The following SRRM3 variants were observed in gnomAD, a reference collection of about 807,000 sequenced individuals.
SRRM3 encodes the protein serine/arginine repetitive matrix protein 3.
Under a neutral mutation model 66.2 loss-of-function variants are expected in SRRM3, and 27 were observed. The ratio of observed to expected loss-of-function variants is 0.41; its 90% CI spans 0.30 to 0.56. SRRM3 has a LOEUF of 0.56. Ranked by LOEUF, SRRM3 falls within the 20% of genes least tolerant of loss-of-function variation. The probability of loss-of-function intolerance (pLI) is 0.32; values close to 1 mark genes in which losing one functional copy is unlikely to be tolerated. For missense variants in SRRM3, 918 were observed against 991.9 expected (o/e 0.93, Z 1.00); for synonymous variants, 391 against 414.9 (o/e 0.94, Z 0.70).
intron 11 of SRRM3, among the ~76,000 whole-genome samples, chr7:76,272,868 A>C (rs1802246586): frequency 6.6e-6 from 1 of 152,162 alleles, no homozygotes; most frequent in South Asian, 2.1e-4. Flanking sequence ...ATACAGGAAC[A>C]GAAAAAGGCA....
intron 1 of SRRM3, among the ~76,000 whole-genome samples, chr7:76,215,176 A>C (rs1800528316): frequency 6.6e-6 from 1 of 152,034 alleles, no homozygotes; most frequent in Non-Finnish European, 1.5e-5. Flanking sequence ...GTACATTTTT[A>C]TGCCTGTTTT....
intron 11 of SRRM3, chr7:76,268,679 G>A (rs1480511995): frequency 2.0e-5 from 3 of 152,248 alleles, no homozygotes; most frequent in Non-Finnish European, 2.9e-5. Context: ...TTTATTGAAG[G>A]ACATTTACCT....
intron 1 of SRRM3, among the ~76,000 whole-genome samples, chr7:76,224,372 G>C (rs1342544840): frequency 2.6e-5 from 4 of 151,250 alleles, no homozygotes; most frequent in Admixed American, 2.6e-4. Context: ...GAGCCACCGC[G>C]CCCGGCCAAA....
intron 1 of SRRM3, among the ~76,000 whole-genome samples, chr7:76,225,496 A>G (rs1220843967): frequency 8.4e-6 from 1 of 119,000 alleles, no homozygotes; most frequent in Non-Finnish European, 1.7e-5. Flanking sequence ...TTTCCCCGGC[A>G]AAAGAGGCTT....
chr7:76,256,261 C>T (rs1338996259), intron 3 of SRRM3, among the ~76,000 whole-genome samples: 1 of 152,150 alleles, frequency 6.6e-6, no homozygotes, highest in Non-Finnish European at 1.5e-5. Context: ...AATCCCAGCA[C>T]TTTGGGAGGC....
Position 76,286,090 on chromosome 7 carries a change from G to T in SRRM3, c.*247G>T. On this transcript the variant is annotated 3_prime_UTR_variant, in exon 15 of 15. Transcript: ENST00000611745. The stretch of plus-strand genomic sequence containing the variant: ...CTCCTGTCCACCCACTGTGCCCGGG[G>T]AACAAAGAGCCGTTACGAACACAGG... 1.7e-6 allele frequency: 1 copy of T among 573,062 alleles called. No individual in the cohort carries two copies. Among genetic ancestry groups the T allele is most frequent in the Non-Finnish European group, 3.2e-6 (1 of 314,022 alleles). 35.5% of individuals were successfully genotyped at this position (573,062 alleles called of 1,614,324 possible). A position where few individuals can be genotyped will look rare whatever the true frequency, so the allele number is the denominator to read the frequency against.
At chr7:76,253,577 TGCCAC>T (rs1801633357) in intron 3 of SRRM3, among the ~76,000 whole-genome samples, 5 of 151,546 alleles carry the variant, frequency 3.3e-5, no homozygotes, top group Admixed American at 1.3e-4. Context: ...ACCGAGATCG[TGCCAC>T]TGCACTCCAG....
At chr7:76,279,092 C>T (rs564494563) in intron 11 of SRRM3, among the ~76,000 whole-genome samples, 1 of 152,264 alleles carries the variant, frequency 6.6e-6, no homozygotes, top group South Asian at 2.1e-4. Flanking sequence ...AACCCCGTCT[C>T]TCCTAAAAAT....
Position 76,286,056 on chromosome 7 carries a change from C to T in SRRM3, c.*213C>T. 1.0e-5 allele frequency: 6 copies of T among 598,286 alleles called. No individual in the cohort carries two copies. Among genetic ancestry groups the T allele is most frequent in the Non-Finnish European group, 1.8e-5 (6 of 329,864 alleles). The allele number at this position is 598,286 out of a possible 1,614,324, so 37.1% of individuals were successfully genotyped here. On this transcript the variant is annotated 3_prime_UTR_variant, in exon 15 of 15. Transcript: ENST00000611745. ...CAGATGTGCTGCTTCTACGGGTGTC[C>T]TCTCCCACCTCCTGTCCACCCACTG...
intron 11 of SRRM3, among the ~76,000 whole-genome samples, chr7:76,278,717 T>C (rs1554611468): frequency 1.3e-5 from 2 of 152,182 alleles, no homozygotes; most frequent in Non-Finnish European, 2.9e-5. Flanking sequence ...CAGCTATGGC[T>C]AGTGTTCATT....
chr7:76,233,203 G>A (rs1554604393), intron 1 of SRRM3, among the ~76,000 whole-genome samples: 1 of 152,144 alleles, frequency 6.6e-6, no homozygotes, highest in Admixed American at 6.5e-5. Flanking sequence ...TCCAGCTACT[G>A]GGGAGACTGA....
intron 1 of SRRM3, among the ~76,000 whole-genome samples, chr7:76,205,163 A>AGC (rs1800263595): frequency 6.6e-6 from 1 of 151,952 alleles, no homozygotes; most frequent in African/African-American, 2.4e-5. Flanking sequence ...ACACTGACCC[A>AGC]GCGCCTCTGC....
intron 11 of SRRM3, among the ~76,000 whole-genome samples, chr7:76,272,398 CA>C (rs5884990): frequency 2.7e-5 from 4 of 150,828 alleles, no homozygotes; most frequent in Non-Finnish European, 3.0e-5. Flanking sequence ...CCTATCTCTA[CA>C]AAAAAAAAAT....
intron 10 of SRRM3, among the ~76,000 whole-genome samples, chr7:76,265,828 TTATATATATATA>T (rs1167434051): frequency 2.3e-3 from 58 of 25,574 alleles, no homozygotes; most frequent in East Asian, 5.2e-3. Context: ...TAATAAATAT[TTATATATATATA>T]TATATATATA....
At position 76,234,458 on chromosome 7, in the gene SRRM3, G is replaced by A. The variant is rs182604487; in HGVS notation, c.-39-570G>A. On this transcript the variant is annotated intron_variant, in intron 1 of 14. Coordinates refer to ENST00000611745, the MANE Select transcript of SRRM3 (RefSeq NM_001110199.3). The stretch of plus-strand genomic sequence containing the variant: ...TGGAATGTTGGCTTTGGAGAAGTTG[G>A]CCAGATCAAACAGAGAGCTAAAATC... 7.4e-4 allele frequency among the ~76,000 whole-genome samples: 113 copies of A among 152,238 alleles called. 1 individual carries two copies. Among genetic ancestry groups the A allele is most frequent in the South Asian group, 1.9e-3 (9 of 4,822 alleles).
intron 5 of SRRM3, among the ~76,000 whole-genome samples, chr7:76,260,414 G>A (rs1298371307): frequency 3.2e-4 from 5 of 15,522 alleles, no homozygotes; most frequent in African/African-American, 1.0e-3. Context: ...CCCGCCCCTC[G>A]ACAAGCCCCT....
chr7:76,231,085 C>T (rs1256307222), intron 1 of SRRM3, among the ~76,000 whole-genome samples: 4 of 152,138 alleles, frequency 2.6e-5, no homozygotes, highest in Admixed American at 2.0e-4. Context: ...TGTCACATGG[C>T]TCACAGAGGG....
In SRRM3 at chr7:76,263,877, C is replaced by CAA. The variant is rs781852712; in HGVS notation, c.675-861_675-860dup. ...AACAGAGCGGGACTCTGTCTCAAGA[C>CAA]AAAAAAAAAAAAAAAAAAAAAAAAA... On this transcript the variant is annotated intron_variant, in intron 8 of 14. Transcript: ENST00000611745. Among the ~76,000 whole-genome samples the CAA allele has an allele frequency of 6.7e-4, 33 of 49,522 alleles. 1 individual carries two copies. Among genetic ancestry groups the CAA allele is most frequent in the Admixed American group, 1.3e-3 (5 of 3,942 alleles). 32.5% of individuals were successfully genotyped at this position (49,522 alleles called of 152,430 possible).
At chr7:76,266,536 TATAA>T (rs1302938744) in intron 10 of SRRM3, among the ~76,000 whole-genome samples, 5 of 113,042 alleles carry the variant, frequency 4.4e-5, no homozygotes, top group South Asian at 2.3e-4. Context: ...ATATTTAATA[TATAA>T]ATATTTATAT....
Sources: gnomAD v4.1 joint callset for allele counts (sites outside exome capture counted in the v4.1 genomes callset) on GRCh38, gnomAD v4.1.1 for gene constraint, MANE v1.5 for transcripts, NCBI Gene and HGNC (gene_info 2026-07-23, HGNC 2026-07-21) for gene names.